FAM53A: variants seen among roughly 807,000 people sequenced by gnomAD.
The protein encoded by FAM53A is family with sequence similarity 53 member A.
In FAM53A, 28 loss-of-function variants were observed where a neutral mutation model predicts 26.6. That is an observed-to-expected ratio of 1.05 (90% confidence interval 0.78 to 1.45). FAM53A has a LOEUF of 1.45. FAM53A is among the 40% of genes most tolerant of loss of function. The pLI is 0.00. For missense variants in FAM53A, 650 were observed against 575.8 expected, an observed-to-expected ratio of 1.13 and a Z score of -1.32; for synonymous variants, 290 against 253.1, an observed-to-expected ratio of 1.15 and a Z score of -1.38.
At chr4:1,636,713 G>A (rs770157613), downstream of FAM53A, among the ~76,000 whole-genome samples, 19 of 152,254 alleles carry the variant, frequency 1.2e-4, no homozygotes, top group Non-Finnish European at 2.4e-4. Flanking sequence ...GAGAAAGTGC[G>A]TGCCTGCCCA....
chr4:1,676,099 G>A (rs1715023066), intron 1 of FAM53A, among the ~76,000 whole-genome samples: 1 of 152,252 alleles, frequency 6.6e-6, no homozygotes, highest in Admixed American at 6.5e-5. Flanking sequence ...CATTTGTAGA[G>A]CCATGAATTA....
At chr4:1,663,955 C>A (rs778414785) in intron 2 of FAM53A, among the ~76,000 whole-genome samples, 24 of 152,038 alleles carry the variant, frequency 1.6e-4, no homozygotes, top group Non-Finnish European at 3.4e-4. Context: ...ACTCCCAGAA[C>A]ACACATGGGA....
chr4:1,647,293 C>T (rs1255161401), intron 4 of FAM53A, among the ~76,000 whole-genome samples: 3 of 151,670 alleles, frequency 2.0e-5, no homozygotes, highest in African/African-American at 7.3e-5. Context: ...CGAGATGGCA[C>T]CATTGCACTC....
intron 2 of FAM53A, among the ~76,000 whole-genome samples, chr4:1,657,935 G>A (rs906001729): frequency 1.3e-5 from 2 of 151,306 alleles, no homozygotes; most frequent in African/African-American, 4.9e-5. Flanking sequence ...CACCACGCCC[G>A]GCTGTAAACG....
intron 4 of FAM53A, 107 bp downstream of exon 4, chr4:1,654,871 C>T (rs1713175347): frequency 7.1e-7 from 1 of 1,408,954 alleles, no homozygotes. Flanking sequence ...CCAGAGAAGA[C>T]CAGCCGGATG....
the FAM53A span, among the ~76,000 whole-genome samples, chr4:1,592,858 GC>G: frequency 6.6e-6 from 1 of 152,062 alleles, no homozygotes; most frequent in Non-Finnish European, 1.5e-5. Context: ...CACGCCTGGA[GC>G]CCCCCAGACA....
chr4:1,658,324 A>G (rs776747499), intron 2 of FAM53A, among the ~76,000 whole-genome samples: 7 of 152,216 alleles, frequency 4.6e-5, no homozygotes, highest in Non-Finnish European at 1.0e-4. Context: ...CCGGCCTCAG[A>G]CATTTTTATT....
At chr4:1,684,811 T>C (rs980481111), upstream of FAM53A, among the ~76,000 whole-genome samples, 2 of 152,196 alleles carry the variant, frequency 1.3e-5, no homozygotes, top group Admixed American at 6.5e-5. Context: ...CTTCTGCACC[T>C]GCACAGTGTG....
the FAM53A span, among the ~76,000 whole-genome samples, chr4:1,611,411 G>T: frequency 1.3e-5 from 2 of 152,196 alleles, no homozygotes; most frequent in Non-Finnish European, 2.9e-5. Flanking sequence ...ACCCAGCTCA[G>T]GCCACAAGGG....
At chr4:1,600,669 G>A in the FAM53A span, among the ~76,000 whole-genome samples, 1 of 152,024 alleles carries the variant, frequency 6.6e-6, no homozygotes, top group African/African-American at 2.4e-5. Context: ...TTTCTTTTTC[G>A]TTTTTGAGGC....
intron 1 of FAM53A, among the ~76,000 whole-genome samples, chr4:1,682,282 G>C (rs78154633): frequency 2.2e-5 from 1 of 45,178 alleles, no homozygotes; most frequent in African/African-American, 7.4e-5. Context: ...TTTTTTTTTT[G>C]AGACAGAGTC....
chr4:1,630,045 C>T lies in FAM53A; in HGVS notation c.432-11934G>A, dbSNP rs112337992. On this transcript the variant is annotated intron_variant, in intron 1 of 1. Coordinates refer to the FAM53A transcript ENST00000489029. This position sits in a 1 kb window ranked among gnomAD's most constrained non-coding sequence, Gnocchi z 4.3. ...CCCCATGTCCCCCTGCTTCCCCCTC[C>T]GCCCAGCACAAAAAGACCACAGTGA... Among the ~76,000 whole-genome samples, 3 of 152,206 alleles carry T rather than the reference C, an allele frequency of 2.0e-5. No individual in the cohort carries two copies. Among genetic ancestry groups the T allele is most frequent in the African/African-American group, 4.8e-5 (2 of 41,456 alleles).
intron 1 of FAM53A, among the ~76,000 whole-genome samples, chr4:1,677,493 G>A (rs1715123714): frequency 6.6e-6 from 1 of 152,180 alleles, no homozygotes; most frequent in Non-Finnish European, 1.5e-5. Context: ...TTATCTCTAA[G>A]CCTACATATA....
intron 1 of FAM53A, 53 bp from the exon 2 acceptor site, chr4:1,668,958 T>C: frequency 1.9e-6 from 1 of 519,664 alleles, no homozygotes; most frequent in Non-Finnish European, 3.4e-6. Flanking sequence ...AACCATTTTG[T>C]TGATGTTTCT....
At chr4:1,603,801 G>T in the FAM53A span, among the ~76,000 whole-genome samples, 1 of 152,370 alleles carries the variant, frequency 6.6e-6, no homozygotes. Context: ...CACAAAACAT[G>T]GCCCCAGGGA....
At chr4:1,644,330 C>T in intron 4 of FAM53A, 1 of 1,535,930 alleles carries the variant, frequency 6.5e-7, no homozygotes, top group Non-Finnish European at 8.7e-7. Context: ...CACTCGCGGG[C>T]ACAGCTGTGC....
At chr4:1,577,499 G>A in the FAM53A span, among the ~76,000 whole-genome samples, 4 of 152,276 alleles carry the variant, frequency 2.6e-5, no homozygotes, top group Admixed American at 6.5e-5. Context: ...CAGCAGCAGC[G>A]GTGAGGTACC....
upstream of FAM53A, among the ~76,000 whole-genome samples, chr4:1,684,630 G>A (rs1293569409): frequency 2.0e-5 from 3 of 151,894 alleles, no homozygotes; most frequent in Non-Finnish European, 4.4e-5. Flanking sequence ...ACCTGAGGCG[G>A]CGGGGCAGGA....
chr4:1,651,149 A>T (rs964260674), intron 4 of FAM53A, among the ~76,000 whole-genome samples: 3 of 149,758 alleles, frequency 2.0e-5, no homozygotes, highest in East Asian at 2.0e-4. Flanking sequence ...CCCAGGAGGC[A>T]GAGGTTGCAG....
Sources: allele counts gnomAD v4.1 joint callset (sites outside exome capture counted in the v4.1 genomes callset), GRCh38; gene constraint gnomAD v4.1.1; non-coding constraint Gnocchi (gnomAD v3.1); transcripts MANE v1.5; gene names NCBI Gene and HGNC (gene_info 2026-07-23, HGNC 2026-07-21).